Variants in CSMD1 observed in about 807,000 individuals in gnomAD.
CSMD1 encodes the protein CUB and Sushi multiple domains 1.
In CSMD1, 213 loss-of-function variants were observed where a neutral mutation model predicts 417.5. That is an observed-to-expected ratio of 0.51 (90% confidence interval 0.46 to 0.57). The LOEUF (loss-of-function observed/expected upper bound fraction) is 0.57, where lower values mean the gene tolerates loss of function less well. Among genes scored for constraint, CSMD1 ranks in the 20% least tolerant of loss-of-function variants. The pLI is 0.00. For synonymous variants in CSMD1, 2,862 were observed against 1,736.8 expected, an observed-to-expected ratio of 1.65 and a Z score of -16.11; for missense variants, 6,923 against 4,529.7, an observed-to-expected ratio of 1.53 and a Z score of -15.17.
chr8:4,816,833 C>A (rs1799234965), intron 1 of CSMD1, among the ~76,000 whole-genome samples: 1 of 152,070 alleles, frequency 6.6e-6, no homozygotes, highest in African/African-American at 2.4e-5. Context: ...AGAGACTTGG[C>A]AATTAATGGT....
At chr8:4,422,408 T>C (rs375904877) in intron 2 of CSMD1, among the ~76,000 whole-genome samples, 9 of 152,142 alleles carry the variant, frequency 5.9e-5, no homozygotes, top group African/African-American at 2.2e-4. Flanking sequence ...GAGGTAATTA[T>C]AGTTAAATGA....
At chr8:4,299,151 C>A (rs953135193) in intron 3 of CSMD1, among the ~76,000 whole-genome samples, 4 of 152,014 alleles carry the variant, frequency 2.6e-5, no homozygotes, top group Non-Finnish European at 5.9e-5. Context: ...ACAGATCGTG[C>A]TTTTCTTCAA....
At chr8:4,826,464 G>C (rs75004447) in intron 1 of CSMD1, among the ~76,000 whole-genome samples, 143 of 152,214 alleles carry the variant, frequency 9.4e-4, no homozygotes, top group African/African-American at 3.4e-3. Flanking sequence ...GATATTTTTA[G>C]TTTCTTTGAT....
At chr8:3,777,057 C>T (rs1186792517) in intron 5 of CSMD1, among the ~76,000 whole-genome samples, 2 of 151,360 alleles carry the variant, frequency 1.3e-5, no homozygotes, top group Admixed American at 1.3e-4. Context: ...CTGTCTATAT[C>T]TGTTTACATC....
chr8:4,596,582 T>A (rs1021752763), intron 2 of CSMD1, among the ~76,000 whole-genome samples: 2 of 152,238 alleles, frequency 1.3e-5, no homozygotes, highest in African/African-American at 4.8e-5. Flanking sequence ...ATTAAATCTC[T>A]GAAGTGCATA....
chr8:3,175,662 T>A (rs932477152), intron 37 of CSMD1, among the ~76,000 whole-genome samples: 1 of 140,914 alleles, frequency 7.1e-6, no homozygotes, highest in African/African-American at 2.7e-5. Flanking sequence ...TCCCTCTGCA[T>A]AGGCTTCTGT....
At chr8:4,974,447 T>G (rs1369227798) in intron 1 of CSMD1, among the ~76,000 whole-genome samples, 2 of 152,156 alleles carry the variant, frequency 1.3e-5, no homozygotes, top group Non-Finnish European at 2.9e-5. Context: ...TGACAGAATT[T>G]TAGCAGACAC....
chr8:3,250,260 C>T (rs188834422), intron 26 of CSMD1, among the ~76,000 whole-genome samples: 2 of 152,234 alleles, frequency 1.3e-5, no homozygotes, highest in Admixed American at 1.3e-4. Context: ...TTCCTGTGTC[C>T]ATGTGTACTC....
chr8:3,023,188 C>A (rs1370451415), intron 51 of CSMD1, among the ~76,000 whole-genome samples: 1 of 152,144 alleles, frequency 6.6e-6, no homozygotes, highest in Non-Finnish European at 1.5e-5. Flanking sequence ...GGCCTGCCTC[C>A]AGTAACAAAC....
At position 3,091,607 on chromosome 8, in the gene CSMD1, T is replaced by C. The variant is rs749303264; in HGVS notation, c.7194A>G (p.Gln2398=). 2.0e-5 allele frequency: 33 copies of C among 1,611,570 alleles called. No homozygotes were observed. The highest frequency in any genetic ancestry group is 2.7e-5 in the African/African-American group (2 of 74,888). ...LVVLSGNHTE[Q]SNFTSRSNQL... ...GATTACTCCTGCTTGTAAAATTTGA[T>C]TGTTCAGTATGATTCCCACTTAAGA... The change falls in exon 48 of 70, where the codon CAA becomes CAG. Residue 2398 remains glutamine (Q), a synonymous_variant. Transcript: ENST00000635120.
intron 3 of CSMD1, among the ~76,000 whole-genome samples, chr8:4,334,185 G>C (rs1033721666): frequency 1.3e-5 from 2 of 152,124 alleles, no homozygotes; most frequent in Non-Finnish European, 2.9e-5. Flanking sequence ...GGGATTACAG[G>C]TGTGAGCCAC....
chr8:4,121,710 T>A (rs1038119014), intron 3 of CSMD1, among the ~76,000 whole-genome samples: 2 of 151,822 alleles, frequency 1.3e-5, no homozygotes, highest in Non-Finnish European at 2.9e-5. Context: ...CATTCTGACA[T>A]ACTTCATTCT....
intron 37 of CSMD1, among the ~76,000 whole-genome samples, chr8:3,170,583 T>A (rs1344365555): frequency 6.6e-6 from 1 of 152,236 alleles, no homozygotes; most frequent in Non-Finnish European, 1.5e-5. Context: ...ATTTTAAGTC[T>A]TTTGTTTACA....
intron 3 of CSMD1, among the ~76,000 whole-genome samples, chr8:4,183,401 G>A (rs957026616): frequency 3.3e-5 from 5 of 152,284 alleles, no homozygotes; most frequent in Non-Finnish European, 5.9e-5. Flanking sequence ...TGATGTAAAA[G>A]CAACTCCATA....
At chr8:4,006,124 T>C (rs1468092738) in intron 4 of CSMD1, among the ~76,000 whole-genome samples, 2 of 152,186 alleles carry the variant, frequency 1.3e-5, no homozygotes, top group South Asian at 2.1e-4. Flanking sequence ...AGACTTGATA[T>C]TCACATATCA....
intron 3 of CSMD1, among the ~76,000 whole-genome samples, chr8:4,305,951 G>T (rs1318933816): frequency 6.6e-6 from 1 of 152,086 alleles, no homozygotes; most frequent in African/African-American, 2.4e-5. Context: ...GTATTGCAGG[G>T]TAACTTTCAT....
chr8:3,488,664 CAATA>C (rs968144449), intron 11 of CSMD1, among the ~76,000 whole-genome samples: 1 of 152,060 alleles, frequency 6.6e-6, no homozygotes, highest in Non-Finnish European at 1.5e-5. Context: ...ATTTGGCATT[CAATA>C]AATAATTATT....
chr8:4,848,746 G>C (rs1484110325), intron 1 of CSMD1, among the ~76,000 whole-genome samples: 1 of 152,148 alleles, frequency 6.6e-6, no homozygotes, highest in Non-Finnish European at 1.5e-5. Flanking sequence ...GTTTCACCAT[G>C]CTGGCCAGGC....
At chr8:4,237,561 G>A (rs1480511580) in intron 3 of CSMD1, among the ~76,000 whole-genome samples, 1 of 150,936 alleles carries the variant, frequency 6.6e-6, no homozygotes, top group Non-Finnish European at 1.5e-5. Context: ...TTGAGTTGGA[G>A]TCTTGCTCTG....
Sources: gnomAD v4.1 joint callset for allele counts (sites outside exome capture counted in the v4.1 genomes callset) on GRCh38, gnomAD v4.1.1 for gene constraint, MANE v1.5 for transcripts, NCBI Gene and HGNC (gene_info 2026-07-23, HGNC 2026-07-21) for gene names.